The following SLC36A4 variants were observed in gnomAD, a reference collection of about 807,000 sequenced individuals.
SLC36A4 encodes the protein solute carrier family 36 member 4.
A neutral mutation model predicts 50.5 loss-of-function variants in SLC36A4; 49 were observed. The observed-to-expected ratio is 0.97, with a 90% CI of 0.77 to 1.23. SLC36A4 has a LOEUF of 1.23. Among genes scored for constraint, SLC36A4 ranks in the 50% most tolerant of loss-of-function variants. The pLI, the probability that SLC36A4 is intolerant of heterozygous loss-of-function variation, is 0.00. For synonymous variants in SLC36A4, 207 were observed against 206.5 expected (o/e 1.00, Z -0.02); for missense variants, 611 against 608.4 (o/e 1.00, Z -0.05).
At chr11:93,159,763 G>T (rs1267871308) in intron 9 of SLC36A4, 2 of 939,196 alleles carry the variant, frequency 2.1e-6, no homozygotes, top group Non-Finnish European at 2.5e-6. Flanking sequence ...AGTTCAGAAA[G>T]ATTAAGGGTA....
intron 6 of SLC36A4, among the ~76,000 whole-genome samples, chr11:93,172,180 T>A (rs1332212946): frequency 1.3e-5 from 2 of 152,152 alleles, no homozygotes; most frequent in African/African-American, 4.8e-5. Context: ...AAAGAAAAAC[T>A]ACAGGCTGGC....
intron 9 of SLC36A4, chr11:93,160,488 A>T (rs1508607): frequency 0.28 from 276,676 of 985,136 alleles, 40,444 homozygotes; most frequent in East Asian, 0.32. Flanking sequence ...GCAATTAGGA[A>T]TAAGGTCAGA....
At position 93,165,900 on chromosome 11, in the gene SLC36A4, T is replaced by C. The variant is rs1344781546; in HGVS notation, c.867+18A>G. ...GAATTAAGATTTTAAAAAATAATAA[T>C]AAAGACTAAATTCTTACCACTCCTA... is the stretch of plus-strand genomic sequence containing the variant. On this transcript the variant is annotated intron_variant, in intron 8 of 10. Coordinates refer to ENST00000326402, the MANE Select transcript of SLC36A4 (RefSeq NM_152313.4). The C allele has an allele frequency of 2.0e-5, 30 of 1,467,670 alleles. No homozygotes were observed. Among genetic ancestry groups the C allele is most frequent in the Non-Finnish European group, 2.7e-5 (29 of 1,070,568 alleles). 90.9% of individuals were successfully genotyped at this position (1,467,670 alleles called of 1,614,324 possible).
intron 1 of SLC36A4, among the ~76,000 whole-genome samples, chr11:93,196,104 A>G (rs1862410109): frequency 6.6e-6 from 1 of 152,208 alleles, no homozygotes; most frequent in South Asian, 2.1e-4. Context: ...TGTTGAATTA[A>G]TGAAAATATA....
rs1222343936 is a variant in SLC36A4 at position 93,145,038 on chromosome 11, A to G, written c.*3499T>C. 1 of 152,086 alleles carries G rather than the reference A, an allele frequency of 6.6e-6. No individual in the cohort carries two copies. The highest frequency in any genetic ancestry group is 1.5e-5 in the Non-Finnish European group (1 of 67,978). The allele number at this position is 152,086 out of a possible 1,614,324, so 9.4% of individuals were successfully genotyped here. ...AGTGAGGTCAAGACCTAGTTTGTGT[A>G]TACTGTCAGTAAACAGATCCACTAC... On this transcript the variant is annotated 3_prime_UTR_variant, in exon 11 of 11. Transcript: ENST00000326402.
At chr11:93,162,213 T>C (rs934898853) in intron 9 of SLC36A4, among the ~76,000 whole-genome samples, 1 of 152,198 alleles carries the variant, frequency 6.6e-6, no homozygotes. Context: ...ATTTTAAATA[T>C]TTTTTTAAAA....
At chr11:93,183,659 G>GT (rs1259458508) in intron 3 of SLC36A4, among the ~76,000 whole-genome samples, 2 of 151,234 alleles carry the variant, frequency 1.3e-5, no homozygotes, top group African/African-American at 4.9e-5. Context: ...TTACATATTG[G>GT]TTTTTAAAAG....
chr11:93,144,892 T>G lies in SLC36A4; in HGVS notation c.*3645A>C, dbSNP rs1054980483. 1.3e-5 allele frequency: 2 copies of G among 152,054 alleles called. No homozygotes were observed. Among genetic ancestry groups the G allele is most frequent in the African/African-American group, 4.8e-5 (2 of 41,452 alleles). 9.4% of individuals were successfully genotyped at this position (152,054 alleles called of 1,614,324 possible). ...TATTGTATATTATCGATGTTCTGTA[T>G]GTTAACCAAATTATTTTATTCCTCA... On this transcript the variant is annotated 3_prime_UTR_variant, in exon 11 of 11. Coordinates refer to ENST00000326402, the MANE Select transcript of SLC36A4 (RefSeq NM_152313.4).
chr11:93,193,084 A>T (rs1295182566), intron 1 of SLC36A4: 1 of 791,970 alleles, frequency 1.3e-6, no homozygotes, highest in Non-Finnish European at 1.5e-6. Flanking sequence ...TTAGAAGCAT[A>T]TTAAGCTCTA....
chr11:93,177,962 C>T (rs1308666863), intron 6 of SLC36A4, among the ~76,000 whole-genome samples: 1 of 152,190 alleles, frequency 6.6e-6, no homozygotes, highest in Non-Finnish European at 1.5e-5. Context: ...CTATGCCCTG[C>T]CCCCAGAGGT....
At chr11:93,152,309 C>T (rs756193244) in intron 10 of SLC36A4, 4 of 152,076 alleles carry the variant, frequency 2.6e-5, no homozygotes, top group Admixed American at 6.6e-5. Context: ...GTGTACGCCC[C>T]CAAATCTTTT....
chr11:93,149,710 C>T (rs1859991432), intron 10 of SLC36A4, among the ~76,000 whole-genome samples: 1 of 152,018 alleles, frequency 6.6e-6, no homozygotes, highest in South Asian at 2.1e-4. Flanking sequence ...GATTGGAAGA[C>T]ACAAATGAGT....
intron 10 of SLC36A4, among the ~76,000 whole-genome samples, chr11:93,150,133 G>A (rs1860012643): frequency 6.6e-6 from 1 of 151,994 alleles, no homozygotes; most frequent in East Asian, 1.9e-4. Context: ...TAACGGTTTT[G>A]TTAAATGATT....
At chr11:93,160,798 A>G (rs1860584269) in intron 9 of SLC36A4, 1 of 926,968 alleles carries the variant, frequency 1.1e-6, no homozygotes, top group Non-Finnish European at 1.3e-6. Context: ...ATAGTTGTCA[A>G]TTTCTGAAAT....
intron 1 of SLC36A4, among the ~76,000 whole-genome samples, chr11:93,192,070 T>C (rs1168506246): frequency 6.6e-6 from 1 of 152,062 alleles, no homozygotes; most frequent in Non-Finnish European, 1.5e-5. Flanking sequence ...TTCATGGAGC[T>C]CAAATTTTAG....
rs1859839529 is a variant in SLC36A4 at position 93,146,102 on chromosome 11, T to C, written c.*2435A>G. On this transcript the variant is annotated 3_prime_UTR_variant, in exon 11 of 11. Coordinates refer to ENST00000326402, the MANE Select transcript of SLC36A4 (RefSeq NM_152313.4). The stretch of plus-strand genomic sequence containing the variant: ...ACTGGATGTTGATTCACCATTCTTA[T>C]TGCTAAAGGAAGCCTGATTGATAAT... 1 of 152,036 alleles carries C rather than the reference T, an allele frequency of 6.6e-6. No homozygotes were observed. Among genetic ancestry groups the C allele is most frequent in the Non-Finnish European group, 1.5e-5 (1 of 67,958 alleles). The allele number at this position is 152,036 out of a possible 1,614,324, so 9.4% of individuals were successfully genotyped here. A position where few individuals can be genotyped will look rare whatever the true frequency, so the allele number is the denominator to read the frequency against.
intron 1 of SLC36A4, among the ~76,000 whole-genome samples, chr11:93,195,883 C>G (rs901517415): frequency 6.6e-6 from 1 of 152,152 alleles, no homozygotes; most frequent in Non-Finnish European, 1.5e-5. Context: ...TGTAAACTGC[C>G]TAGCCCCCAC....
intron 9 of SLC36A4, among the ~76,000 whole-genome samples, chr11:93,156,202 T>C (rs902008339): frequency 6.6e-6 from 1 of 152,100 alleles, no homozygotes; most frequent in African/African-American, 2.4e-5. Flanking sequence ...CAACAGTTTA[T>C]AATAAGTGTT....
intron 6 of SLC36A4, among the ~76,000 whole-genome samples, chr11:93,174,139 G>A (rs1354832864): frequency 6.7e-6 from 1 of 150,264 alleles, no homozygotes; most frequent in Non-Finnish European, 1.5e-5. Context: ...GTGGTTTGTA[G>A]TTCTCCTTGA....
Sources: gnomAD v4.1 joint callset for allele counts (sites outside exome capture counted in the v4.1 genomes callset) on GRCh38, gnomAD v4.1.1 for gene constraint, MANE v1.5 for transcripts, NCBI Gene and HGNC (gene_info 2026-07-23, HGNC 2026-07-21) for gene names.